The following DCAF6 variants were observed in gnomAD, a reference collection of about 807,000 sequenced individuals.
DCAF6 encodes DDB1- and CUL4-associated factor 6.
A neutral mutation model predicts 125.1 loss-of-function variants in DCAF6; 54 were observed. The ratio of observed to expected loss-of-function variants is 0.43; its 90% CI spans 0.35 to 0.54. The LOEUF is 0.54. DCAF6 is among the 20% of genes least tolerant of loss of function. The pLI, the probability that DCAF6 is intolerant of heterozygous loss-of-function variation, is 0.01. For synonymous variants in DCAF6, 371 were observed against 390.4 expected, an observed-to-expected ratio of 0.95 and a Z score of 0.58; for missense variants, 934 against 1,161.7, an observed-to-expected ratio of 0.80 and a Z score of 2.85.
At chr1:167,933,661 A>G (rs1232451770), upstream of DCAF6, among the ~76,000 whole-genome samples, 3 of 152,254 alleles carry the variant, frequency 2.0e-5, no homozygotes, top group African/African-American at 7.2e-5. Flanking sequence ...TAGGCAAAAT[A>G]GTATGCAAAA....
In DCAF6 at chr1:167,936,880, G is replaced by C; in HGVS notation, c.-32G>C. ...CCCCTCCTCCCCTCCCCCACGCGGT[G>C]GTCTCCCCTCCCACCCGGCTCAGGC... On this transcript the variant is annotated 5_prime_UTR_variant, in exon 1 of 22. Coordinates refer to ENST00000367840, the MANE Select transcript of DCAF6 (RefSeq NM_001198956.2). 6.5e-7 allele frequency: 1 copy of C among 1,539,194 alleles called. No individual in the cohort carries two copies. Among genetic ancestry groups the C allele is most frequent in the Admixed American group, 1.9e-5 (1 of 51,960 alleles).
At chr1:167,880,353 C>G in the DCAF6 span, 1 of 954,492 alleles carries the variant, frequency 1.0e-6, no homozygotes, top group Non-Finnish European at 1.7e-6. Flanking sequence ...CCCGGAGATG[C>G]GAAGGAGGAA....
upstream of DCAF6, among the ~76,000 whole-genome samples, chr1:167,934,541 T>C (rs1671007708): frequency 6.6e-6 from 1 of 152,218 alleles, no homozygotes; most frequent in African/African-American, 2.4e-5. Flanking sequence ...GGGTTCAATG[T>C]TGCAGTAAAT....
At chr1:167,863,692 G>GC in the DCAF6 span, among the ~76,000 whole-genome samples, 1 of 152,228 alleles carries the variant, frequency 6.6e-6, no homozygotes, top group South Asian at 2.1e-4. Flanking sequence ...CCAGAGTGAC[G>GC]CGGATCCTGA....
At chr1:167,899,388 G>T in the DCAF6 span, 1 of 1,606,126 alleles carries the variant, frequency 6.2e-7, no homozygotes, top group Non-Finnish European at 8.5e-7. Flanking sequence ...TTACAGGCTG[G>T]CAGAACTTTC....
the DCAF6 span, chr1:167,901,679 T>C: frequency 6.2e-7 from 1 of 1,614,176 alleles, no homozygotes. Context: ...GACTCGGATG[T>C]CTAGGCCTTC....
At chr1:167,994,582 T>G (rs1417820347) in intron 7 of DCAF6, among the ~76,000 whole-genome samples, 1 of 152,170 alleles carries the variant, frequency 6.6e-6, no homozygotes, top group Non-Finnish European at 1.5e-5. Context: ...GAAAAGTAGG[T>G]GAATGAATTA....
Position 168,072,412 on chromosome 1 carries a change from C to A in DCAF6, c.2792-2959C>A, listed in dbSNP as rs1244466531. Among the ~76,000 whole-genome samples, 10 of 148,312 alleles carry A rather than the reference C, an allele frequency of 6.7e-5. 1 individual carries two copies. Among genetic ancestry groups the A allele is most frequent in the Admixed American group, 2.0e-4 (3 of 14,734 alleles). ...TCCCTCTCACTTAGTCATTCTTGTT[C>A]ATTGCCTTATTTTCCTCAAGTACTT... On this transcript the variant is annotated intron_variant, in intron 21 of 21. Transcript: ENST00000367840.
the DCAF6 span, chr1:167,878,681 T>C: frequency 5.7e-6 from 9 of 1,566,452 alleles, no homozygotes; most frequent in Middle Eastern, 2.0e-4. Context: ...ATAACAGGCA[T>C]TGAACTGAAT....
chr1:167,872,478 A>G, the DCAF6 span, among the ~76,000 whole-genome samples: 8 of 152,040 alleles, frequency 5.3e-5, no homozygotes, highest in East Asian at 1.5e-3. Context: ...TTCTAAAATG[A>G]GATTGTCTCC....
chr1:168,004,037 C>G, intron 9 of DCAF6, 48 bp downstream of exon 9: 1 of 1,589,276 alleles, frequency 6.3e-7, no homozygotes, highest in Admixed American at 1.8e-5. Context: ...GCAAAAACTA[C>G]TTATTGAAGC....
chr1:168,033,411 G>A (rs1687379595), intron 12 of DCAF6, among the ~76,000 whole-genome samples: 1 of 151,454 alleles, frequency 6.6e-6, no homozygotes, highest in African/African-American at 2.4e-5. Flanking sequence ...CGCCTCCCGG[G>A]TTCACGCCAT....
the DCAF6 span, among the ~76,000 whole-genome samples, chr1:167,919,591 T>A: frequency 6.6e-6 from 1 of 152,166 alleles, no homozygotes; most frequent in Non-Finnish European, 1.5e-5. Flanking sequence ...ATTTATTATA[T>A]ACAATTGAAA....
intron 15 of DCAF6, 69 bp downstream of exon 15, chr1:168,044,740 C>A: frequency 6.9e-7 from 1 of 1,450,126 alleles, no homozygotes; most frequent in Non-Finnish European, 9.6e-7. Flanking sequence ...GTTAATCTCT[C>A]TATAGTTAGA....
intron 4 of DCAF6, among the ~76,000 whole-genome samples, chr1:167,984,261 A>G (rs1679621302): frequency 6.6e-6 from 1 of 152,204 alleles, no homozygotes; most frequent in African/African-American, 2.4e-5. Context: ...CTTCTTCTGT[A>G]ACATTCTTAC....
chr1:167,905,600 A>G, the DCAF6 span, among the ~76,000 whole-genome samples: 1 of 105,504 alleles, frequency 9.5e-6, no homozygotes, highest in Non-Finnish European at 1.9e-5. Context: ...TTCTCTCTTT[A>G]AAAAAAAAAA....
chr1:167,907,579 A>G, the DCAF6 span, among the ~76,000 whole-genome samples: 2 of 152,202 alleles, frequency 1.3e-5, no homozygotes, highest in South Asian at 4.1e-4. Flanking sequence ...CCTAGTTTCA[A>G]GTAGACAGGG....
At chr1:167,899,713 T>C in the DCAF6 span, 4 of 1,285,442 alleles carry the variant, frequency 3.1e-6, no homozygotes, top group East Asian at 4.8e-5. Context: ...ACCATAATCT[T>C]GGTGGGACTA....
At chr1:167,884,501 C>A in the DCAF6 span, among the ~76,000 whole-genome samples, 1 of 152,248 alleles carries the variant, frequency 6.6e-6, no homozygotes, top group African/African-American at 2.4e-5. Context: ...GGATACAAAT[C>A]CAAACCATAT....
Sources: allele counts gnomAD v4.1 joint callset (sites outside exome capture counted in the v4.1 genomes callset), GRCh38; gene constraint gnomAD v4.1.1; transcripts MANE v1.5; gene names NCBI Gene and HGNC (gene_info 2026-07-23, HGNC 2026-07-21).